Variants in GAREM1 observed in about 807,000 individuals in gnomAD.
The protein encoded by GAREM1 is GRB2-associated and regulator of MAPK protein 1.
In GAREM1, 26 loss-of-function variants were observed where a neutral mutation model predicts 71.3. The ratio of observed to expected loss-of-function variants is 0.36; its 90% CI spans 0.27 to 0.51. GAREM1 has a LOEUF of 0.51. GAREM1 is among the 20% of genes least tolerant of loss of function. GAREM1 has a pLI of 0.95. For missense variants in GAREM1, 1,026 were observed against 1,103.1 expected, an observed-to-expected ratio of 0.93 and a Z score of 0.99; for synonymous variants, 440 against 433.2, an observed-to-expected ratio of 1.02 and a Z score of -0.20.
chr18:32,276,537 T>G (rs1172607820), intron 4 of GAREM1, among the ~76,000 whole-genome samples: 3 of 152,192 alleles, frequency 2.0e-5, no homozygotes. Flanking sequence ...GGGAGCACCA[T>G]AAATTTACTC....
At chr18:32,407,180 G>A (rs555246810) in intron 1 of GAREM1, among the ~76,000 whole-genome samples, 14 of 152,270 alleles carry the variant, frequency 9.2e-5, no homozygotes, top group Non-Finnish European at 1.6e-4. Flanking sequence ...CACATGTTGT[G>A]GTACAGAGAA....
chr18:32,319,476 C>T (rs1242132240), intron 2 of GAREM1, among the ~76,000 whole-genome samples: 1 of 152,112 alleles, frequency 6.6e-6, no homozygotes, highest in East Asian at 1.9e-4. Flanking sequence ...TATATATTGC[C>T]TTTTTAACCT....
chr18:32,339,354 T>A (rs181900251), intron 2 of GAREM1, among the ~76,000 whole-genome samples: 1 of 152,310 alleles, frequency 6.6e-6, no homozygotes, highest in African/African-American at 2.4e-5. Context: ...AACGACTATG[T>A]GAAAACACTG....
chr18:32,428,022 G>A (rs553774583), intron 1 of GAREM1, among the ~76,000 whole-genome samples: 1 of 152,302 alleles, frequency 6.6e-6, no homozygotes, highest in African/African-American at 2.4e-5. Flanking sequence ...GGTAGATTAT[G>A]TAAGAGGAAA....
At chr18:32,421,392 A>G (rs946960643) in intron 1 of GAREM1, among the ~76,000 whole-genome samples, 1 of 152,180 alleles carries the variant, frequency 6.6e-6, no homozygotes, top group Non-Finnish European at 1.5e-5. Context: ...GGCTCCCAGC[A>G]GCTCCCAGCT....
chr18:32,359,911 G>A (rs2047847723), intron 2 of GAREM1, among the ~76,000 whole-genome samples: 1 of 151,810 alleles, frequency 6.6e-6, no homozygotes, highest in South Asian at 2.1e-4. Context: ...GGGCAACCAA[G>A]TAAGAACCTG....
intron 1 of GAREM1, among the ~76,000 whole-genome samples, chr18:32,446,866 T>C (rs2048790347): frequency 1.3e-5 from 2 of 152,198 alleles, no homozygotes; most frequent in Non-Finnish European, 2.9e-5. Context: ...TAAAACTCTC[T>C]GTGAGTGCAG....
intron 1 of GAREM1, among the ~76,000 whole-genome samples, chr18:32,417,458 G>A (rs1367233810): frequency 3.3e-5 from 5 of 152,112 alleles, no homozygotes; most frequent in East Asian, 1.9e-4. Context: ...GCCAAGATGC[G>A]GAAGCAACCT....
chr18:32,364,018 A>T lies in GAREM1; in HGVS notation c.262+28877T>A, dbSNP rs1199732081. On this transcript the variant is annotated intron_variant, in intron 2 of 5. Transcript: ENST00000269209. Reference sequence around the variant, plus strand: ...TACATATATATATATATATATATATATATATATATGTTTTTTTTTTTTTTT... The same window carrying T: ...TACATATATATATATATATATATATTTATATATATGTTTTTTTTTTTTTTT... Among the ~76,000 whole-genome samples, 262 of 48,176 alleles carry T rather than the reference A, an allele frequency of 5.4e-3. 8 individuals carry two copies. The highest frequency in any genetic ancestry group is 0.026 in the African/African-American group (172 of 6,594). The allele number at this position is 48,176 out of a possible 152,430, so 31.6% of individuals were successfully genotyped here. A position where few individuals can be genotyped will look rare whatever the true frequency, so the allele number is the denominator to read the frequency against.
In GAREM1 at chr18:32,303,993, G is replaced by A. The variant is rs528878240; in HGVS notation, c.393+6200C>T. ...GAAACAGAGAAAGAGGGAGGGAGGG[G>A]AGGGGAGGGAGAGGAGGGATAAGAG... On this transcript the variant is annotated intron_variant, in intron 3 of 5. Transcript: ENST00000269209. 8.6e-4 allele frequency among the ~76,000 whole-genome samples: 127 copies of A among 148,286 alleles called. No individual in the cohort carries two copies. The Middle Eastern group carries it at 0.014, about 17-fold the overall frequency.
At chr18:32,460,223 A>G (rs1249772347) in intron 1 of GAREM1, among the ~76,000 whole-genome samples, 2 of 152,156 alleles carry the variant, frequency 1.3e-5, no homozygotes, top group East Asian at 1.9e-4. Flanking sequence ...GGACACTTAC[A>G]TAAGCACTGC....
At chr18:32,295,838 T>C (rs1172866749) in intron 3 of GAREM1, among the ~76,000 whole-genome samples, 1 of 152,238 alleles carries the variant, frequency 6.6e-6, no homozygotes, top group Non-Finnish European at 1.5e-5. Flanking sequence ...AGTATTGCTA[T>C]TATTTTTTAA....
intron 1 of GAREM1, among the ~76,000 whole-genome samples, 199 bp from the exon 2 acceptor site, chr18:32,393,234 T>C (rs1285098054): frequency 1.1e-4 from 16 of 151,662 alleles, no homozygotes; most frequent in Admixed American, 9.9e-4. Flanking sequence ...CAACTGTACA[T>C]AGAAGTCCAT....
At chr18:32,382,718 T>A (rs2048109021) in intron 2 of GAREM1, among the ~76,000 whole-genome samples, 1 of 152,120 alleles carries the variant, frequency 6.6e-6, no homozygotes, top group Non-Finnish European at 1.5e-5. Context: ...GGCACCTTGC[T>A]CTTTAGAGCA....
At chr18:32,295,506 T>C (rs916534895) in intron 3 of GAREM1, among the ~76,000 whole-genome samples, 3 of 152,214 alleles carry the variant, frequency 2.0e-5, no homozygotes, top group Non-Finnish European at 4.4e-5. Flanking sequence ...TTAATAAAAA[T>C]GTCTGGGTAA....
intron 1 of GAREM1, among the ~76,000 whole-genome samples, chr18:32,429,791 C>T (rs1272989704): frequency 6.6e-6 from 1 of 152,198 alleles, no homozygotes; most frequent in African/African-American, 2.4e-5. Context: ...AACTTTCTAT[C>T]TCACACCTTC....
intron 4 of GAREM1, among the ~76,000 whole-genome samples, chr18:32,273,546 G>A (rs1417334302): frequency 2.0e-5 from 3 of 152,162 alleles, no homozygotes; most frequent in African/African-American, 7.2e-5. Context: ...GGTGAGGAGA[G>A]GGCAGTAGTG....
chr18:32,269,209 C>A (rs1312685410), intron 5 of GAREM1, among the ~76,000 whole-genome samples: 1 of 152,172 alleles, frequency 6.6e-6, no homozygotes, highest in Non-Finnish European at 1.5e-5. Flanking sequence ...TCACACCACC[C>A]GTGACTCTAT....
chr18:32,416,505 G>T (rs1049095321), intron 1 of GAREM1, among the ~76,000 whole-genome samples: 6 of 152,000 alleles, frequency 3.9e-5, no homozygotes, highest in African/African-American at 1.4e-4. Context: ...AAACAGCATG[G>T]TACTGGCATA....
Sources: gnomAD v4.1 joint callset for allele counts (sites outside exome capture counted in the v4.1 genomes callset) on GRCh38, gnomAD v4.1.1 for gene constraint, MANE v1.5 for transcripts, NCBI Gene and HGNC (gene_info 2026-07-23, HGNC 2026-07-21) for gene names.